The following SFI1 variants were observed in gnomAD, a reference collection of about 807,000 sequenced individuals.
SFI1 encodes the protein protein SFI1 homolog.
SFI1 carries 195 observed loss-of-function variants against 207.5 expected under a neutral mutation model. That is an observed-to-expected ratio of 0.94 (90% CI 0.84 to 1.06). The LOEUF (loss-of-function observed/expected upper bound fraction) is 1.06. Among genes scored for constraint, SFI1 ranks in the 50% least tolerant of loss-of-function variants. The pLI, the probability that SFI1 is intolerant of heterozygous loss-of-function variation, is 0.00. For missense variants in SFI1, 1,634 were observed against 1,588.0 expected, an observed-to-expected ratio of 1.03 and a Z score of -0.49; for synonymous variants, 630 against 598.9, an observed-to-expected ratio of 1.05 and a Z score of -0.76.
At chr22:31,542,975 CT>C (rs377269654) in intron 4 of SFI1, among the ~76,000 whole-genome samples, 161 of 124,792 alleles carry the variant, frequency 1.3e-3, no homozygotes, top group African/African-American at 1.7e-3. Flanking sequence ...TTTTTTTTTT[CT>C]TTTTTTTTTT....
At chr22:31,617,720 C>CA (rs200768810) in intron 31 of SFI1, among the ~76,000 whole-genome samples, 4,612 of 127,328 alleles carry the variant, frequency 0.036, 117 homozygotes, top group African/African-American at 0.07. Context: ...CACTCCATCT[C>CA]AAAAAAAAAA....
At chr22:31,545,663 C>T (rs1432027918) in intron 4 of SFI1, among the ~76,000 whole-genome samples, 2 of 151,748 alleles carry the variant, frequency 1.3e-5, no homozygotes, top group African/African-American at 4.8e-5. Flanking sequence ...CTCACCACAA[C>T]CTCTGCCCCC....
intron 6 of SFI1, among the ~76,000 whole-genome samples, chr22:31,553,868 T>G (rs1169834882): frequency 8.3e-6 from 1 of 120,856 alleles, no homozygotes; most frequent in Non-Finnish European, 1.7e-5. Flanking sequence ...TTTTTTTTTT[T>G]GCGAGAGTCC....
Position 31,550,361 on chromosome 22 carries a change from A to C in SFI1, c.544+13A>C, listed in dbSNP as rs1277893664. On this transcript the variant is annotated intron_variant, in intron 6 of 32. Transcript: ENST00000400288. ...GCCGAGGTTCATGGTGAGAAAAAGA[A>C]GTCCATGTCTGAAGAAGATGCCCAC... 3.1e-6 allele frequency: 5 copies of C among 1,609,062 alleles called. No individual in the cohort carries two copies. In the African/African-American group the frequency reaches 6.7e-5, roughly 22 times the overall value.
rs185082446 is a variant in SFI1, at chr22:31,499,441, G to A, written c.-31+2804G>A. Among the ~76,000 whole-genome samples, 19 of 152,238 alleles carry A rather than the reference G, an allele frequency of 1.2e-4. No individual in the cohort carries two copies. In the East Asian group the frequency reaches 3.7e-3, roughly 29 times the overall value. ...CATCTCTCAGCCTCCCAAAGTGCTGGGATTACAGGTGTGAATCACCGTGCC... is the reference window on the plus strand; with the variant it reads ...CATCTCTCAGCCTCCCAAAGTGCTGAGATTACAGGTGTGAATCACCGTGCC... On this transcript the variant is annotated intron_variant, in intron 1 of 32. Transcript: ENST00000400288.
chr22:31,602,735 CAAG>C lies in SFI1; in HGVS notation c.1758_1760del (p.Lys587del). The stretch of plus-strand genomic sequence containing the variant: ...GTGCCCACCACCGCCACGGGCGGCT[CAAG>C]AAAGCTTTCTGCCTCTGGAGGGAAA... On this transcript the variant is annotated inframe_deletion, in exon 17 of 33. Transcript: ENST00000400288. 6.2e-7 allele frequency: 1 copy of C among 1,614,154 alleles called. No individual in the cohort carries two copies. The highest frequency in any genetic ancestry group is 8.5e-7 in the Non-Finnish European group (1 of 1,180,034).
chr22:31,546,843 A>T lies in SFI1; in HGVS notation c.339-18A>T. ...TCCAACATCATCATATATATATATGATTTTTTTTTTGCCGTAGATTTTACT... is the reference window on the plus strand; with the variant it reads ...TCCAACATCATCATATATATATATGTTTTTTTTTTTGCCGTAGATTTTACT... On this transcript the variant is annotated intron_variant, in intron 4 of 32. Coordinates refer to ENST00000400288, the MANE Select transcript of SFI1 (RefSeq NM_001007467.3). The T allele has an allele frequency of 7.4e-7, 1 of 1,343,668 alleles. No homozygotes were observed. Among genetic ancestry groups the T allele is most frequent in the Non-Finnish European group, 1.0e-6 (1 of 970,280 alleles). The allele number at this position is 1,343,668 out of a possible 1,614,324, so 83.2% of individuals were successfully genotyped here.
rs1314201214 is a variant in SFI1 at position 31,573,100 on chromosome 22, G to A, written c.808G>A (p.Glu270Lys). 2 of 1,613,868 alleles carry A rather than the reference G, an allele frequency of 1.2e-6. No individual in the cohort carries two copies. Among genetic ancestry groups the A allele is most frequent in the Non-Finnish European group, 8.5e-7 (1 of 1,179,968 alleles). The change falls in exon 9 of 33, where the codon GAG (glutamate) becomes AAG (lysine). Residue 270 changes from glutamate to lysine, a missense_variant. Physicochemically the swap from Glu to Lys is moderately conservative, Grantham distance 56. Coordinates refer to ENST00000400288, the MANE Select transcript of SFI1 (RefSeq NM_001007467.3). ...GGAACAGCTCCTGTATGTCCAGAAGGAGAAACAAAAGGTTGTCTCTGCAGT... is the reference window on the plus strand; with the variant it reads ...GGAACAGCTCCTGTATGTCCAGAAGAAGAAACAAAAGGTTGTCTCTGCAGT... ...WREQLLYVQK[E>K]KQKVVSAVKH...
At chr22:31,593,981 C>CGAG (rs2066607671) in intron 15 of SFI1, among the ~76,000 whole-genome samples, 2 of 82,136 alleles carry the variant, frequency 2.4e-5, no homozygotes, top group African/African-American at 1.0e-4. Flanking sequence ...CATGGGGAGA[C>CGAG]GGAGACGAGG....
At chr22:31,557,209 T>TA in intron 7 of SFI1, 150 bp downstream of exon 7, 3 of 568,404 alleles carry the variant, frequency 5.3e-6, no homozygotes, top group Non-Finnish European at 9.2e-6. Context: ...GATAGGGTCT[T>TA]ACTCTGTCAC....
intron 1 of SFI1, among the ~76,000 whole-genome samples, chr22:31,504,509 TC>T (rs1402028953): frequency 1.3e-5 from 2 of 152,216 alleles, no homozygotes; most frequent in Non-Finnish European, 2.9e-5. Flanking sequence ...CAGGATGTGT[TC>T]ACCCTGTTAG....
chr22:31,595,248 G>A (rs1330885859), intron 15 of SFI1, among the ~76,000 whole-genome samples: 1 of 151,954 alleles, frequency 6.6e-6, no homozygotes, highest in Non-Finnish European at 1.5e-5. Flanking sequence ...CACCCGCCTT[G>A]GCCTCCCAAA....
chr22:31,591,597 GC>G (rs2065931683), intron 15 of SFI1, among the ~76,000 whole-genome samples: 1 of 131,532 alleles, frequency 7.6e-6, no homozygotes, highest in Non-Finnish European at 1.6e-5. Flanking sequence ...GGGCAGGGGG[GC>G]TGACCCCCCC....
At chr22:31,541,232 CA>C in intron 4 of SFI1, among the ~76,000 whole-genome samples, 1 of 147,770 alleles carries the variant, frequency 6.8e-6, no homozygotes, top group East Asian at 1.9e-4. Flanking sequence ...TACAAGAAGA[CA>C]CTTAGTTCTC....
intron 2 of SFI1, 72 bp downstream of exon 2, chr22:31,508,448 G>GA: frequency 1.7e-6 from 2 of 1,159,866 alleles, no homozygotes; most frequent in South Asian, 1.4e-5. Flanking sequence ...TTTTGTGTAT[G>GA]AAAAAATTAT....
rs1427221249 is a variant in SFI1, at chr22:31,576,642, T to C, written c.1084+1250T>C. On this transcript the variant is annotated intron_variant, in intron 10 of 32. Transcript: ENST00000400288. ...AGCTCTATGTATAAACTCTTTTTTT[T>C]CCCTTTTTTTTTTTGAGATGGAGTT... 2.7e-5 allele frequency among the ~76,000 whole-genome samples: 4 copies of C among 150,528 alleles called. No individual in the cohort carries two copies. The East Asian group carries it at 7.9e-4, about 30-fold the overall frequency.
chr22:31,535,911 G>C (rs2058952149), intron 4 of SFI1, among the ~76,000 whole-genome samples: 3 of 152,006 alleles, frequency 2.0e-5, no homozygotes, highest in Admixed American at 1.3e-4. Context: ...TTATTATACT[G>C]AACTTTTAGA....
At chr22:31,609,273 C>T (rs1177233591) in intron 22 of SFI1, among the ~76,000 whole-genome samples, 1 of 152,122 alleles carries the variant, frequency 6.6e-6, no homozygotes, top group African/African-American at 2.4e-5. Context: ...GCTGGGATTA[C>T]AGGCGTGAGC....
chr22:31,599,882 T>TA (rs199503157), intron 15 of SFI1, among the ~76,000 whole-genome samples: 6,677 of 144,036 alleles, frequency 0.046, 128 homozygotes, highest in Non-Finnish European at 0.052. Flanking sequence ...TTGTTGTTAT[T>TA]TTTTTTTTTT....
Sources: gnomAD v4.1 joint callset for allele counts (sites outside exome capture counted in the v4.1 genomes callset) on GRCh38, gnomAD v4.1.1 for gene constraint, MANE v1.5 for transcripts, NCBI Gene and HGNC (gene_info 2026-07-23, HGNC 2026-07-21) for gene names.